Variants in IGSF5 observed in about 807,000 individuals in gnomAD.
IGSF5 encodes the protein immunoglobulin superfamily member 5, also known as immunoglobulin superfamily 5 like.
IGSF5 carries 41 observed loss-of-function variants against 39.4 expected under a neutral mutation model. The ratio of observed to expected loss-of-function variants is 1.04; its 90% CI spans 0.81 to 1.35. The LOEUF (loss-of-function observed/expected upper bound fraction) is 1.35. IGSF5 is among the 40% of genes most tolerant of loss of function. IGSF5 has a pLI of 0.00. For missense variants in IGSF5, 487 were observed against 494.6 expected (o/e 0.98, Z 0.15); for synonymous variants, 183 against 175.3 (o/e 1.04, Z -0.34).
At chr21:39,785,502 C>T (rs1295908444) in intron 5 of IGSF5, among the ~76,000 whole-genome samples, 1 of 152,126 alleles carries the variant, frequency 6.6e-6, no homozygotes, top group Non-Finnish European at 1.5e-5. Flanking sequence ...ATGCCTCCAC[C>T]TTTGTTCTTT....
At chr21:39,738,532 C>T in the IGSF5 span, among the ~76,000 whole-genome samples, 2 of 152,256 alleles carry the variant, frequency 1.3e-5, no homozygotes, top group South Asian at 4.1e-4. The surrounding 1 kb of genome is among the most constrained non-coding windows in gnomAD (Gnocchi z 6.4). Flanking sequence ...ACACATTTTA[C>T]TTGATAATAT....
At chr21:39,736,630 G>A in the IGSF5 span, among the ~76,000 whole-genome samples, 2 of 152,214 alleles carry the variant, frequency 1.3e-5, no homozygotes, top group South Asian at 4.1e-4. Flanking sequence ...TGGCCTCTCT[G>A]TAACTGGTCA....
At chr21:39,770,638 CT>C (rs1747375003) in intron 3 of IGSF5, among the ~76,000 whole-genome samples, 1 of 151,690 alleles carries the variant, frequency 6.6e-6, no homozygotes, top group South Asian at 2.1e-4. Flanking sequence ...TTATTTCCCC[CT>C]GGTTTCTGAC....
At chr21:39,795,411 C>T (rs369953970) in intron 8 of IGSF5, among the ~76,000 whole-genome samples, 38 of 152,116 alleles carry the variant, frequency 2.5e-4, no homozygotes, top group African/African-American at 8.0e-4. Context: ...ACAGCCCTTC[C>T]GTGGTTATCT....
At chr21:39,711,841 C>CT in the IGSF5 span, among the ~76,000 whole-genome samples, 14 of 152,270 alleles carry the variant, frequency 9.2e-5, 1 homozygote, top group African/African-American at 3.4e-4. Flanking sequence ...CCAGAAGCCT[C>CT]TTTTTTAATG....
intron 6 of IGSF5, among the ~76,000 whole-genome samples, chr21:39,789,375 C>G (rs2086947136): frequency 6.6e-6 from 1 of 152,128 alleles, no homozygotes; most frequent in African/African-American, 2.4e-5. Context: ...CTGTTGCATG[C>G]TTTGTAGAAT....
intron 6 of IGSF5, among the ~76,000 whole-genome samples, chr21:39,790,481 A>C (rs1244304951): frequency 6.6e-6 from 1 of 152,086 alleles, no homozygotes; most frequent in African/African-American, 2.4e-5. Flanking sequence ...CAACATGGAA[A>C]AACCCCATCT....
chr21:39,715,987 C>T, the IGSF5 span, among the ~76,000 whole-genome samples: 16 of 152,314 alleles, frequency 1.1e-4, no homozygotes, highest in African/African-American at 3.8e-4. Flanking sequence ...CCTGCAGTGC[C>T]ACCTGGCGGT....
chr21:39,712,047 G>C, the IGSF5 span, among the ~76,000 whole-genome samples: 7 of 152,250 alleles, frequency 4.6e-5, 1 homozygote, highest in South Asian at 1.4e-3. Flanking sequence ...GAGCCACTGG[G>C]AGCAATCATA....
At chr21:39,755,527 C>T (rs2080025035) in intron 2 of IGSF5, among the ~76,000 whole-genome samples, 1 of 149,090 alleles carries the variant, frequency 6.7e-6, no homozygotes, top group South Asian at 2.1e-4. Context: ...GTGGAGCTTG[C>T]AGTGAGCCAA....
At chr21:39,737,656 G>A in the IGSF5 span, among the ~76,000 whole-genome samples, 2 of 152,188 alleles carry the variant, frequency 1.3e-5, no homozygotes, top group African/African-American at 4.8e-5. Context: ...GAAGGGGGGC[G>A]GAGCTTCCAT....
chr21:39,728,007 A>AGT, the IGSF5 span: 1 of 152,230 alleles, frequency 6.6e-6, no homozygotes, highest in Non-Finnish European at 1.5e-5. Context: ...GTAAAGGCTC[A>AGT]TACCTCCTGT....
intron 3 of IGSF5, among the ~76,000 whole-genome samples, chr21:39,766,820 ATTATATC>A (rs2146280542): frequency 6.9e-6 from 1 of 144,094 alleles, no homozygotes; most frequent in African/African-American, 3.0e-5. Context: ...AAGAGAATAT[ATTATATC>A]TTATAAATTA....
At chr21:39,792,258 C>A in intron 7 of IGSF5, among the ~76,000 whole-genome samples, 159 bp downstream of exon 7, 1 of 152,084 alleles carries the variant, frequency 6.6e-6, no homozygotes, top group East Asian at 1.9e-4. Flanking sequence ...ACTTGGAATA[C>A]TCTAGGAGTA....
At chr21:39,798,719 T>C (rs932208443) in intron 8 of IGSF5, among the ~76,000 whole-genome samples, 14 of 152,236 alleles carry the variant, frequency 9.2e-5, no homozygotes, top group African/African-American at 3.4e-4. Context: ...TTTTAGGAAA[T>C]GGCAGAATTT....
At chr21:39,756,842 C>T (rs1601123467) in intron 2 of IGSF5, among the ~76,000 whole-genome samples, 1 of 151,858 alleles carries the variant, frequency 6.6e-6, no homozygotes, top group Admixed American at 6.6e-5. Context: ...TGGAGGGTGA[C>T]CAAGAGGGCA....
intron 2 of IGSF5, among the ~76,000 whole-genome samples, chr21:39,749,794 G>A (rs1349265619): frequency 5.3e-5 from 8 of 152,218 alleles, no homozygotes; most frequent in Non-Finnish European, 1.2e-4. Context: ...GTGAGAGAGG[G>A]GTAGAGGAAT....
chr21:39,744,081 C>T (rs1422191246), upstream of IGSF5, among the ~76,000 whole-genome samples: 1 of 152,058 alleles, frequency 6.6e-6, no homozygotes, highest in Non-Finnish European at 1.5e-5. Context: ...TTCCAGGGTG[C>T]GTAACCACCC....
rs2146282935 is a variant in IGSF5 at position 39,771,165 on chromosome 21, A to G, written c.668A>G (p.Lys223Arg). Residue 223 changes from lysine to arginine, a missense_variant, in exon 4 of 9, where the codon AAG becomes AGG. By Grantham distance (26) the Lys-to-Arg change is conservative (BLOSUM62 2). Coordinates refer to ENST00000380588, the MANE Select transcript of IGSF5 (RefSeq NM_001080444.2). ...TGCGTGGCTACCTGGAAGAGCCTGAAGGCCCGCAAGTCTGCAACTGTAAAT... is the reference window on the plus strand; with the variant it reads ...TGCGTGGCTACCTGGAAGAGCCTGAGGGCCCGCAAGTCTGCAACTGTAAAT... Reference protein sequence around the residue: ...LTCVATWKSLKARKSATVNLT... With the variant: ...LTCVATWKSLRARKSATVNLT... 6.2e-7 allele frequency: 1 copy of G among 1,602,458 alleles called. No individual in the cohort carries two copies. Among genetic ancestry groups the G allele is most frequent in the Non-Finnish European group, 8.5e-7 (1 of 1,172,994 alleles).
Sources: gnomAD v4.1 joint callset for allele counts (sites outside exome capture counted in the v4.1 genomes callset) on GRCh38, gnomAD v4.1.1 for gene constraint, Gnocchi (gnomAD v3.1) non-coding constraint, MANE v1.5 for transcripts, NCBI Gene and HGNC (gene_info 2026-07-23, HGNC 2026-07-21) for gene names.